The following TBC1D4 variants were observed in gnomAD, a reference collection of about 807,000 sequenced individuals.
TBC1D4 encodes the protein TBC1 domain family member 4.
TBC1D4 carries 121 observed loss-of-function variants against 142.5 expected under a neutral mutation model. That is an observed-to-expected ratio of 0.85 (90% CI 0.73 to 0.99). The LOEUF (loss-of-function observed/expected upper bound fraction) is 0.99. TBC1D4 is among the 50% of genes least tolerant of loss of function. TBC1D4 has a pLI of 0.00. For synonymous variants in TBC1D4, 630 were observed against 628.2 expected, an observed-to-expected ratio of 1.00 and a Z score of -0.04; for missense variants, 1,475 against 1,606.6, an observed-to-expected ratio of 0.92 and a Z score of 1.40.
intron 4 of TBC1D4, among the ~76,000 whole-genome samples, chr13:75,351,361 A>G (rs1183173955): frequency 6.6e-6 from 1 of 152,124 alleles, no homozygotes; most frequent in African/African-American, 2.4e-5. Flanking sequence ...AAAGAATGGC[A>G]TCAATCCTAT....
intron 1 of TBC1D4, among the ~76,000 whole-genome samples, chr13:75,458,261 G>A (rs969907966): frequency 4.6e-5 from 7 of 152,050 alleles, no homozygotes; most frequent in Admixed American, 1.3e-4. Flanking sequence ...CCTGGAGTTC[G>A]GCTGTCCCCT....
intron 1 of TBC1D4, among the ~76,000 whole-genome samples, chr13:75,383,514 T>A (rs1883980386): frequency 6.6e-6 from 1 of 152,204 alleles, no homozygotes; most frequent in Non-Finnish European, 1.5e-5. Context: ...TAGTCCCTCC[T>A]TATCTGTAGT....
At chr13:75,322,704 T>C (rs1041507185) in intron 11 of TBC1D4, among the ~76,000 whole-genome samples, 4 of 152,148 alleles carry the variant, frequency 2.6e-5, no homozygotes, top group African/African-American at 9.7e-5. Flanking sequence ...AACATAACAA[T>C]AAGAAAATGC....
At chr13:75,369,540 T>C (rs1458752219) in intron 1 of TBC1D4, among the ~76,000 whole-genome samples, 1 of 151,878 alleles carries the variant, frequency 6.6e-6, no homozygotes, top group African/African-American at 2.4e-5. Context: ...AAATTATTAT[T>C]TTTAAAAGGA....
chr13:75,364,963 C>A (rs1170768891), intron 1 of TBC1D4, among the ~76,000 whole-genome samples: 1 of 152,142 alleles, frequency 6.6e-6, no homozygotes, highest in Non-Finnish European at 1.5e-5. Context: ...TGAGATTGCA[C>A]ATAAAGTCAA....
chr13:75,381,764 T>C (rs1053175023), intron 1 of TBC1D4, among the ~76,000 whole-genome samples: 11 of 152,214 alleles, frequency 7.2e-5, no homozygotes, highest in African/African-American at 2.7e-4. Flanking sequence ...GCGCTAAGCA[T>C]GCAAACATGA....
At chr13:75,376,787 T>C (rs1223151637) in intron 1 of TBC1D4, among the ~76,000 whole-genome samples, 1 of 152,252 alleles carries the variant, frequency 6.6e-6, no homozygotes, top group African/African-American at 2.4e-5. Flanking sequence ...AATATGTTTC[T>C]GTATGTATTA....
At chr13:75,336,833 A>C in intron 8 of TBC1D4, 88 bp downstream of exon 8, 1 of 1,439,488 alleles carries the variant, frequency 6.9e-7, no homozygotes, top group South Asian at 1.3e-5. Flanking sequence ...TTTTTGTTTT[A>C]AGGAAATCAG....
intron 5 of TBC1D4, among the ~76,000 whole-genome samples, chr13:75,348,950 A>AGTGTGTGTGTGTGTGTGTGTGT (rs1446471776): frequency 8.0e-6 from 1 of 124,914 alleles, no homozygotes; most frequent in African/African-American, 3.1e-5. Flanking sequence ...AGAGAGAGAG[A>AGTGTGTGTGTGTGTGTGTGTGT]GAGAGTGTGT....
At chr13:75,380,590 A>G (rs1883784139) in intron 1 of TBC1D4, among the ~76,000 whole-genome samples, 1 of 151,876 alleles carries the variant, frequency 6.6e-6, no homozygotes, top group Non-Finnish European at 1.5e-5. Context: ...CAAACAATCA[A>G]TCCCTATTTC....
intron 1 of TBC1D4, among the ~76,000 whole-genome samples, chr13:75,452,880 CTGT>C (rs1029013215): frequency 3.0e-4 from 46 of 152,058 alleles, no homozygotes; most frequent in African/African-American, 9.9e-4. Context: ...TTTGGTGTGG[CTGT>C]TGTTGTGATG....
In TBC1D4 at chr13:75,482,132, C is replaced by A. The variant is rs1426267941; in HGVS notation, c.-365G>T. ...GCGGCCGCCGGCTCCAGCGCTGCAG[C>A]CCCGCTGCGGCCGCCGCGCTCGCCT... On this transcript the variant is annotated 5_prime_UTR_variant, in exon 1 of 21. Coordinates refer to ENST00000377636, the MANE Select transcript of TBC1D4 (RefSeq NM_014832.5). The A allele has an allele frequency of 4.9e-6, 1 of 205,528 alleles. No homozygotes were observed. The highest frequency in any genetic ancestry group is 2.3e-5 in the African/African-American group (1 of 43,384). The allele number at this position is 205,528 out of a possible 1,614,324, so 12.7% of individuals were successfully genotyped here.
intron 4 of TBC1D4, 141 bp downstream of exon 4, chr13:75,356,006 T>G: frequency 1.4e-6 from 1 of 712,470 alleles, no homozygotes; most frequent in South Asian, 1.5e-5. Context: ...TGTGCTGCTT[T>G]GAAGGGGAGG....
chr13:75,352,582 T>C (rs534296444), intron 4 of TBC1D4, among the ~76,000 whole-genome samples: 1 of 152,074 alleles, frequency 6.6e-6, no homozygotes, highest in South Asian at 2.1e-4. Context: ...AAGATGAAGC[T>C]GCTCACCAAC....
At chr13:75,303,232 G>A (rs1350220583) in intron 15 of TBC1D4, among the ~76,000 whole-genome samples, 4 of 151,940 alleles carry the variant, frequency 2.6e-5, no homozygotes, top group Non-Finnish European at 2.9e-5. Flanking sequence ...TAGGAGAATC[G>A]TTTGAACCTG....
At chr13:75,368,513 G>A (rs932921867) in intron 1 of TBC1D4, among the ~76,000 whole-genome samples, 6 of 152,146 alleles carry the variant, frequency 3.9e-5, no homozygotes, top group Admixed American at 2.6e-4. Flanking sequence ...TCTAACTGCT[G>A]CCTTTTTGAT....
chr13:75,405,861 C>T (rs925717970), intron 1 of TBC1D4, among the ~76,000 whole-genome samples: 12 of 152,170 alleles, frequency 7.9e-5, no homozygotes, highest in African/African-American at 2.4e-4. Flanking sequence ...AAACTTCTAG[C>T]ATGGTGAACC....
rs1049269819 is a variant in TBC1D4, at chr13:75,399,690, G to A, written c.499-37083C>T. 8.5e-5 allele frequency among the ~76,000 whole-genome samples: 13 copies of A among 152,352 alleles called. No individual in the cohort carries two copies. The East Asian group carries it at 9.6e-4, about 11-fold the overall frequency. Reference sequence around the variant, plus strand: ...ATAATTTGTGGCCAGAGGGCAGACAGTGATGGATTAAATATGCACCCATAA... The same window carrying A: ...ATAATTTGTGGCCAGAGGGCAGACAATGATGGATTAAATATGCACCCATAA... On this transcript the variant is annotated intron_variant, in intron 1 of 20. Coordinates refer to ENST00000377636, the MANE Select transcript of TBC1D4 (RefSeq NM_014832.5).
intron 1 of TBC1D4, among the ~76,000 whole-genome samples, chr13:75,438,625 C>T (rs1886901818): frequency 6.6e-6 from 1 of 152,176 alleles, no homozygotes; most frequent in Admixed American, 6.6e-5. Flanking sequence ...AAGTTATAAA[C>T]AGTAAAACAT....
Sources: allele counts gnomAD v4.1 joint callset (sites outside exome capture counted in the v4.1 genomes callset), GRCh38; gene constraint gnomAD v4.1.1; transcripts MANE v1.5; gene names NCBI Gene and HGNC (gene_info 2026-07-23, HGNC 2026-07-21).